EBF2: variants seen among roughly 807,000 people sequenced by gnomAD.
EBF2 encodes the protein EBF transcription factor 2.
Under a neutral mutation model 72.8 loss-of-function variants are expected in EBF2, and 21 were observed. The observed-to-expected ratio is 0.29, with a 90% CI of 0.20 to 0.42. The LOEUF is 0.42. Ranked by LOEUF, EBF2 falls within the 10% of genes least tolerant of loss-of-function variation. The pLI is 1.00. For synonymous variants in EBF2, 299 were observed against 274.2 expected, an observed-to-expected ratio of 1.09 and a Z score of -0.89; for missense variants, 637 against 731.2, an observed-to-expected ratio of 0.87 and a Z score of 1.49.
chr8:25,903,653 C>A (rs947817357), intron 7 of EBF2, among the ~76,000 whole-genome samples: 11 of 152,050 alleles, frequency 7.2e-5, no homozygotes, highest in African/African-American at 2.7e-4. Context: ...GCCGAGATCG[C>A]GCCACTGCAC....
intron 6 of EBF2, among the ~76,000 whole-genome samples, chr8:25,919,546 A>G (rs189255585): frequency 1.3e-5 from 2 of 152,346 alleles, no homozygotes; most frequent in East Asian, 3.9e-4. Context: ...AGTCTATAAA[A>G]AGAAATTTCT....
chr8:26,045,037 A>G lies in EBF2; in HGVS notation c.-178T>C. On this transcript the variant is annotated 5_prime_UTR_variant, in exon 1 of 16. Transcript: ENST00000520164. ...TAACCCGTCCTTTGCTTCACTGGCGAGGTGCGGACTGATGTAGTCAAAGTT... is the reference window on the plus strand; with the variant it reads ...TAACCCGTCCTTTGCTTCACTGGCGGGGTGCGGACTGATGTAGTCAAAGTT... 3.0e-6 allele frequency: 2 copies of G among 662,010 alleles called. No homozygotes were observed. Among genetic ancestry groups the G allele is most frequent in the Non-Finnish European group, 4.9e-6 (2 of 407,444 alleles). The allele number at this position is 662,010 out of a possible 1,614,324, so 41.0% of individuals were successfully genotyped here.
At chr8:25,965,315 T>A (rs776891012) in intron 6 of EBF2, among the ~76,000 whole-genome samples, 1 of 152,182 alleles carries the variant, frequency 6.6e-6, no homozygotes, top group Non-Finnish European at 1.5e-5. Context: ...GTAACATATT[T>A]TGTTAAGCAA....
chr8:25,965,956 T>TTGGCCCC (rs1804108278), intron 6 of EBF2, among the ~76,000 whole-genome samples: 1 of 152,224 alleles, frequency 6.6e-6, no homozygotes, highest in Non-Finnish European at 1.5e-5. Flanking sequence ...CTGACTGCAG[T>TTGGCCCC]TGGCCCCTGC....
chr8:25,979,644 C>G (rs1247879196), intron 6 of EBF2, among the ~76,000 whole-genome samples: 1 of 152,178 alleles, frequency 6.6e-6, no homozygotes, highest in Non-Finnish European at 1.5e-5. Context: ...GTCACCTTCT[C>G]AACTTCTCTG....
chr8:25,858,073 C>T (rs1380558875), intron 14 of EBF2: 2 of 640,140 alleles, frequency 3.1e-6, no homozygotes, highest in Non-Finnish European at 5.8e-6. Flanking sequence ...GCCACACATG[C>T]TCTTTCTCTA....
At chr8:25,911,631 G>C (rs1197801587) in intron 6 of EBF2, among the ~76,000 whole-genome samples, 1 of 152,204 alleles carries the variant, frequency 6.6e-6, no homozygotes, top group African/African-American at 2.4e-5. Flanking sequence ...AGTTGAATGG[G>C]ATCTGTAGGG....
At chr8:25,990,075 G>A (rs1041532952) in intron 6 of EBF2, among the ~76,000 whole-genome samples, 3 of 152,052 alleles carry the variant, frequency 2.0e-5, no homozygotes, top group East Asian at 1.9e-4. Flanking sequence ...TTGCCTGCAC[G>A]CAGTAGGTAT....
At chr8:26,033,217 CAT>C (rs1805437365) in intron 5 of EBF2, 64 bp from the exon 6 acceptor site, 1 of 1,505,734 alleles carries the variant, frequency 6.6e-7, no homozygotes, top group Non-Finnish European at 9.2e-7. Flanking sequence ...GCAATGAGCA[CAT>C]GACAAGAACA....
At chr8:25,934,848 C>T (rs955587086) in intron 6 of EBF2, among the ~76,000 whole-genome samples, 1 of 152,076 alleles carries the variant, frequency 6.6e-6, no homozygotes, top group African/African-American at 2.4e-5. Flanking sequence ...GGCGCCATTG[C>T]CAAAAACACA....
intron 7 of EBF2, 52 bp downstream of exon 7, chr8:25,908,422 G>A: frequency 1.5e-6 from 2 of 1,319,818 alleles, no homozygotes; most frequent in Non-Finnish European, 2.1e-6. Context: ...GTGAGAAGGA[G>A]AGAGAAAACA....
At chr8:25,949,246 C>T (rs1803818461) in intron 6 of EBF2, among the ~76,000 whole-genome samples, 1 of 152,194 alleles carries the variant, frequency 6.6e-6, no homozygotes, top group African/African-American at 2.4e-5. Flanking sequence ...AGAAGTGGAG[C>T]TACAATTCGA....
chr8:26,012,544 A>G (rs888906545), intron 6 of EBF2, among the ~76,000 whole-genome samples: 4 of 152,216 alleles, frequency 2.6e-5, no homozygotes, highest in African/African-American at 9.6e-5. Context: ...TTTCATTTAT[A>G]CCAAGAGCAT....
chr8:25,939,069 T>C (rs915433339), intron 6 of EBF2, among the ~76,000 whole-genome samples: 1 of 152,182 alleles, frequency 6.6e-6, no homozygotes, highest in African/African-American at 2.4e-5. Context: ...CATTTTTCTA[T>C]GTGGTAACTT....
At chr8:25,855,891 C>T (rs1802079366) in intron 14 of EBF2, among the ~76,000 whole-genome samples, 1 of 152,164 alleles carries the variant, frequency 6.6e-6, no homozygotes, top group South Asian at 2.1e-4. Flanking sequence ...GGTTTTCTCC[C>T]GTCTCTCTTT....
Position 26,040,978 on chromosome 8 carries a change from TG to T in EBF2, c.312del (p.Asn104LysfsTer51). ...AGCTGTAACTTGTAGTGAGTGCCGT[TG>T]TTGGTCTTCTCGTTGCCTTGTTCCT... ...NDKEQGNEKT[N>X]NGTHYKLQLL... On this transcript the variant is annotated frameshift_variant, in exon 3 of 16. Transcript: ENST00000520164. LOFTEE classifies it high-confidence loss of function. The T allele has an allele frequency of 6.2e-7, 1 of 1,614,220 alleles. No homozygotes were observed. The highest frequency in any genetic ancestry group is 8.5e-7 in the Non-Finnish European group (1 of 1,180,040).
At chr8:25,901,979 G>A (rs1191863736) in intron 7 of EBF2, among the ~76,000 whole-genome samples, 1 of 152,144 alleles carries the variant, frequency 6.6e-6, no homozygotes. Context: ...CCAGCACCTA[G>A]GATAGTGCCT....
chr8:25,983,669 C>G (rs1030086075), intron 6 of EBF2, among the ~76,000 whole-genome samples: 1 of 152,232 alleles, frequency 6.6e-6, no homozygotes, highest in Non-Finnish European at 1.5e-5. Flanking sequence ...CCGGCCCCAG[C>G]TTCCTCAGCA....
intron 6 of EBF2, among the ~76,000 whole-genome samples, chr8:25,964,620 T>C (rs1003615846): frequency 6.6e-6 from 1 of 152,206 alleles, no homozygotes; most frequent in Non-Finnish European, 1.5e-5. Flanking sequence ...TAAGTGGGTG[T>C]CCTGGACACG....
Sources: gnomAD v4.1 joint callset for allele counts (sites outside exome capture counted in the v4.1 genomes callset) on GRCh38, gnomAD v4.1.1 for gene constraint, MANE v1.5 for transcripts, NCBI Gene and HGNC (gene_info 2026-07-23, HGNC 2026-07-21) for gene names.